The following DLGAP2 variants were observed in gnomAD, a reference collection of about 807,000 sequenced individuals.
The protein encoded by DLGAP2 is disks large-associated protein 2.
DLGAP2 carries 26 observed loss-of-function variants against 100.3 expected under a neutral mutation model. The observed-to-expected ratio is 0.26, with a 90% CI of 0.19 to 0.36. The LOEUF is 0.36. Among genes scored for constraint, DLGAP2 ranks in the 10% least tolerant of loss-of-function variants. DLGAP2 has a pLI of 1.00. For missense variants in DLGAP2, 1,858 were observed against 1,453.2 expected (o/e 1.28, Z -4.53); for synonymous variants, 886 against 630.1 (o/e 1.41, Z -6.08).
At chr8:1,494,699 GC>G (rs1261463852) in intron 3 of DLGAP2, among the ~76,000 whole-genome samples, 1 of 151,936 alleles carries the variant, frequency 6.6e-6, no homozygotes, top group Non-Finnish European at 1.5e-5. Context: ...TTGCACTCCA[GC>G]CTGGGCAACA....
Position 1,562,441 on chromosome 8 carries a change from G to A in DLGAP2, c.1231-3242G>A, listed in dbSNP as rs1368817305. Among the ~76,000 whole-genome samples, 4 of 54,254 alleles carry A rather than the reference G, an allele frequency of 7.4e-5. 1 individual carries two copies. Among genetic ancestry groups the A allele is most frequent in the African/African-American group, 1.5e-4 (2 of 13,434 alleles). The allele number at this position is 54,254 out of a possible 152,430, so 35.6% of individuals were successfully genotyped here. A position where few individuals can be genotyped will look rare whatever the true frequency, so the allele number is the denominator to read the frequency against. ...GGGACTGTGTGGAGTTCGGGTGTCC[G>A]CGCCTCGTTGCTGCGGGACTGTGTG... On this transcript the variant is annotated intron_variant, in intron 5 of 14. Coordinates refer to ENST00000637795, the MANE Select transcript of DLGAP2 (RefSeq NM_001346810.2).
Position 777,759 on chromosome 8 carries a change from C to T in DLGAP2, c.18+39934C>T, listed in dbSNP as rs998110679. ...GGGCTTCCCTTTGAGGGTAACCCGACCTTTCTCTCTGGCTGCCCTTAACAT... is the reference window on the plus strand; with the variant it reads ...GGGCTTCCCTTTGAGGGTAACCCGATCTTTCTCTCTGGCTGCCCTTAACAT... On this transcript the variant is annotated intron_variant, in intron 1 of 14. Transcript: ENST00000637795. Among the ~76,000 whole-genome samples the T allele has an allele frequency of 2.6e-5, 4 of 152,132 alleles. No individual in the cohort carries two copies. The South Asian group carries it at 6.2e-4, about 24-fold the overall frequency.
chr8:746,501 G>A (rs919745948), intron 1 of DLGAP2, among the ~76,000 whole-genome samples: 1 of 152,210 alleles, frequency 6.6e-6, no homozygotes, highest in Non-Finnish European at 1.5e-5. Context: ...ACCATCCAGT[G>A]CCACGGGCTG....
intron 2 of DLGAP2, among the ~76,000 whole-genome samples, chr8:912,752 C>G (rs1798513541): frequency 6.7e-6 from 1 of 149,712 alleles, no homozygotes; most frequent in Admixed American, 6.7e-5. Flanking sequence ...CCACGTTCCT[C>G]TCTGTGGAGC....
chr8:1,364,526 A>C (rs1298198637), intron 3 of DLGAP2, among the ~76,000 whole-genome samples: 6 of 151,836 alleles, frequency 4.0e-5, no homozygotes, highest in African/African-American at 1.2e-4. Context: ...CGAAGCAGAC[A>C]CATTTTCCCT....
intron 2 of DLGAP2, among the ~76,000 whole-genome samples, chr8:1,027,571 G>A (rs1227205110): frequency 6.1e-5 from 9 of 146,640 alleles, no homozygotes; most frequent in African/African-American, 1.3e-4. Context: ...CCAAGCGCCC[G>A]TTATTCTCCA....
chr8:1,002,972 T>C (rs1471912050), intron 2 of DLGAP2: 2 of 152,266 alleles, frequency 1.3e-5, no homozygotes, highest in Admixed American at 1.3e-4. Flanking sequence ...AAATCCTTTA[T>C]AACGATCTGG....
At chr8:1,294,603 T>G (rs1800129610) in intron 3 of DLGAP2, among the ~76,000 whole-genome samples, 1 of 152,242 alleles carries the variant, frequency 6.6e-6, no homozygotes, top group African/African-American at 2.4e-5. Flanking sequence ...CGAATTGGAA[T>G]TTTAAAATTA....
At chr8:963,936 ACT>A (rs1357474224) in intron 2 of DLGAP2, among the ~76,000 whole-genome samples, 6 of 151,900 alleles carry the variant, frequency 3.9e-5, no homozygotes, top group African/African-American at 1.5e-4. Flanking sequence ...GAAAGAACTG[ACT>A]CTTTTTTTAT....
chr8:1,173,939 G>A (rs1032724981), intron 2 of DLGAP2, among the ~76,000 whole-genome samples: 2 of 152,178 alleles, frequency 1.3e-5, no homozygotes, highest in African/African-American at 4.8e-5. Context: ...TGGTACCTCA[G>A]ATGGAAATGC....
At chr8:1,298,250 A>G (rs1490323380) in intron 3 of DLGAP2, among the ~76,000 whole-genome samples, 1 of 152,168 alleles carries the variant, frequency 6.6e-6, no homozygotes, top group East Asian at 1.9e-4. Context: ...GCATCTTTAT[A>G]AGTGATCAAG....
intron 2 of DLGAP2, among the ~76,000 whole-genome samples, chr8:1,075,024 G>A (rs953289078): frequency 3.9e-5 from 6 of 152,026 alleles, no homozygotes; most frequent in Non-Finnish European, 8.8e-5. Flanking sequence ...GTGGAGTGGG[G>A]GATGGCGACT....
chr8:998,580 G>C (rs1418048323), intron 2 of DLGAP2, among the ~76,000 whole-genome samples: 1 of 151,940 alleles, frequency 6.6e-6, no homozygotes, highest in African/African-American at 2.4e-5. Context: ...TGGGATTACA[G>C]ATGCCAGCCA....
chr8:1,606,772 C>T (rs900022893), intron 6 of DLGAP2, among the ~76,000 whole-genome samples: 3 of 152,142 alleles, frequency 2.0e-5, no homozygotes, highest in African/African-American at 7.2e-5. Context: ...AACCTCCGCC[C>T]CCTGAGCTCA....
Position 1,623,379 on chromosome 8 carries a change from GTGA to G in DLGAP2, c.1443-3357_1443-3355del, listed in dbSNP as rs556787429. On this transcript the variant is annotated intron_variant, in intron 6 of 14. Transcript: ENST00000637795. ...GTGCGTGATGACCTGGAACCAGTGC[GTGA>G]TGACCTGACACCAGTGTGTGATGAC... 2.4e-3 allele frequency among the ~76,000 whole-genome samples: 358 copies of G among 150,896 alleles called. 1 individual carries two copies. Among genetic ancestry groups the G allele is most frequent in the African/African-American group, 8.5e-3 (349 of 41,024 alleles).
intron 3 of DLGAP2, among the ~76,000 whole-genome samples, chr8:1,287,129 A>G (rs1799938414): frequency 8.2e-6 from 1 of 121,658 alleles, no homozygotes; most frequent in African/African-American, 3.1e-5. Flanking sequence ...GTTTCGGTTC[A>G]GCGTGTGTGT....
chr8:1,675,997 C>T (rs779707108), intron 10 of DLGAP2, among the ~76,000 whole-genome samples: 1 of 152,108 alleles, frequency 6.6e-6, no homozygotes, highest in Non-Finnish European at 1.5e-5. Flanking sequence ...CTGACGTCAC[C>T]CTGCTGGCCA....
chr8:798,042 G>A (rs1052138827), intron 1 of DLGAP2, among the ~76,000 whole-genome samples: 2 of 152,182 alleles, frequency 1.3e-5, no homozygotes, highest in African/African-American at 2.4e-5. Context: ...GAGCCACCAC[G>A]CCTGGCCAGT....
At position 745,873 on chromosome 8, in the gene DLGAP2, C is replaced by T. The variant is rs549203993; in HGVS notation, c.18+8048C>T. On this transcript the variant is annotated intron_variant, in intron 1 of 14. Transcript: ENST00000637795. ...GCTACTGAGTTTGGAGCATAAAGAC[C>T]AGACTGGAAGGATACCGACTCCAGA... Among the ~76,000 whole-genome samples, 33 of 152,318 alleles carry T rather than the reference C, an allele frequency of 2.2e-4. 1 individual carries two copies. The highest frequency in any genetic ancestry group is 3.1e-4 in the Non-Finnish European group (21 of 68,036).
Sources: gnomAD v4.1 joint callset for allele counts (sites outside exome capture counted in the v4.1 genomes callset) on GRCh38, gnomAD v4.1.1 for gene constraint, MANE v1.5 for transcripts, NCBI Gene and HGNC (gene_info 2026-07-23, HGNC 2026-07-21) for gene names.